Variants in TRMT1L observed in about 807,000 individuals in gnomAD.
TRMT1L encodes tRNA (guanine(27)-N(2))-dimethyltransferase.
A neutral mutation model predicts 81.6 loss-of-function variants in TRMT1L; 28 were observed. The observed-to-expected ratio is 0.34, with a 90% CI of 0.25 to 0.47. TRMT1L has a LOEUF of 0.47. Among genes scored for constraint, TRMT1L ranks in the 20% least tolerant of loss-of-function variants. The pLI is 1.00. For synonymous variants in TRMT1L, 301 were observed against 303.2 expected (o/e 0.99, Z 0.07); for missense variants, 739 against 877.1 (o/e 0.84, Z 1.99).
chr1:185,152,750 G>A (rs1216655079), intron 1 of TRMT1L, among the ~76,000 whole-genome samples: 1 of 152,210 alleles, frequency 6.6e-6, no homozygotes, highest in Non-Finnish European at 1.5e-5. Context: ...AGTTTATGTG[G>A]TTGAGAATAA....
chr1:185,145,534 A>C lies in TRMT1L; in HGVS notation c.560T>G (p.Ile187Ser). The C allele has an allele frequency of 3.7e-6, 6 of 1,612,148 alleles. No homozygotes were observed. The highest frequency in any genetic ancestry group is 5.1e-6 in the Non-Finnish European group (6 of 1,178,690). Reference sequence around the variant, plus strand: ...TCTGGTGATTGTTGCTGAACAAATGATACAATGATAATGGGCTCCCATTTT... The same window carrying C: ...TCTGGTGATTGTTGCTGAACAAATGCTACAATGATAATGGGCTCCCATTTT... ...TSKMGAHYHC[I>S]ICSATITRRT... Residue 187 changes from isoleucine to serine, a missense_variant, in exon 5 of 15, where the codon ATC (isoleucine) becomes AGC (serine). This residue lies in a region of TRMT1L where 331 missense variants were observed against 462.2 expected (regional missense o/e 0.72). Transcript: ENST00000367506.
rs180801226 is a variant in TRMT1L, at chr1:185,144,222, A to T, written c.656-193T>A. Among the ~76,000 whole-genome samples, 4 of 152,150 alleles carry T rather than the reference A, an allele frequency of 2.6e-5. No individual in the cohort carries two copies. The East Asian group carries it at 7.7e-4, about 29-fold the overall frequency. On this transcript the variant is annotated intron_variant, in intron 5 of 14. Transcript: ENST00000367506. ...CAAACCAAAACCAAAGAACTGATTTATTCAGCACTCTCTACAAAAGAGTAA... is the reference window on the plus strand; with the variant it reads ...CAAACCAAAACCAAAGAACTGATTTTTTCAGCACTCTCTACAAAAGAGTAA...
At chr1:185,125,799 T>C (rs1268037925) in intron 11 of TRMT1L, among the ~76,000 whole-genome samples, 5 of 152,160 alleles carry the variant, frequency 3.3e-5, no homozygotes, top group Admixed American at 6.5e-5. Context: ...GTTGACCTTA[T>C]AAAAGCCTAT....
At position 185,119,950 on chromosome 1, in the gene TRMT1L, A is replaced by C; in HGVS notation, c.*69T>G. On this transcript the variant is annotated 3_prime_UTR_variant, in exon 15 of 15. Coordinates refer to ENST00000367506, the MANE Select transcript of TRMT1L (RefSeq NM_030934.5). ...TACTGAATTGAAAGAACAGAAAAAG[A>C]ACTACAGTTGGTATAGAGAACTATT... is the stretch of plus-strand genomic sequence containing the variant. 6.9e-7 allele frequency: 1 copy of C among 1,450,772 alleles called. No homozygotes were observed. The highest frequency in any genetic ancestry group is 9.2e-7 in the Non-Finnish European group (1 of 1,082,812). 89.9% of individuals were successfully genotyped at this position (1,450,772 alleles called of 1,614,324 possible). A position where few individuals can be genotyped will look rare whatever the true frequency, so the allele number is the denominator to read the frequency against.
chr1:185,146,305 T>C (rs1199348118), intron 4 of TRMT1L, among the ~76,000 whole-genome samples: 2 of 152,052 alleles, frequency 1.3e-5, no homozygotes, highest in Non-Finnish European at 2.9e-5. Context: ...AGAAGCGTAC[T>C]TATCCGAGTA....
chr1:185,142,254 T>C (rs1408941086), intron 7 of TRMT1L, among the ~76,000 whole-genome samples: 2 of 152,222 alleles, frequency 1.3e-5, no homozygotes, highest in African/African-American at 4.8e-5. Flanking sequence ...CACAATTTCC[T>C]GTGGTCATAC....
intron 14 of TRMT1L, 33 bp from the exon 15 acceptor site, chr1:185,120,304 G>A (rs1398114439): frequency 1.3e-6 from 2 of 1,493,596 alleles, no homozygotes; most frequent in East Asian, 4.7e-5. Context: ...AAAATAATCA[G>A]GTTCTTGTAT....
At chr1:185,136,500 T>C (rs1436668506) in intron 10 of TRMT1L, among the ~76,000 whole-genome samples, 1 of 152,184 alleles carries the variant, frequency 6.6e-6, no homozygotes, top group Non-Finnish European at 1.5e-5. Flanking sequence ...CAGTTAACAT[T>C]ATACTAAAGT....
chr1:185,135,237 GA>G (rs146761849), intron 10 of TRMT1L, among the ~76,000 whole-genome samples: 15,121 of 151,968 alleles, frequency 0.1, 973 homozygotes, highest in East Asian at 0.25. Context: ...GCAACATGGT[GA>G]AACCCCGTCT....
chr1:185,133,596 CTTT>C (rs780906966), intron 10 of TRMT1L, among the ~76,000 whole-genome samples: 6 of 137,884 alleles, frequency 4.4e-5, no homozygotes, highest in Non-Finnish European at 3.2e-5. Context: ...TTCTGACTTG[CTTT>C]TTTTTTTTTT....
intron 3 of TRMT1L, among the ~76,000 whole-genome samples, chr1:185,149,086 T>C (rs1385931496): frequency 6.6e-6 from 1 of 152,188 alleles, no homozygotes; most frequent in East Asian, 1.9e-4. Context: ...TCCCTATAAA[T>C]TGCTGTTTTC....
At chr1:185,143,883 A>G (rs1206811492) in intron 6 of TRMT1L, 23 bp downstream of exon 6, 1 of 1,591,188 alleles carries the variant, frequency 6.3e-7, no homozygotes, top group East Asian at 2.3e-5. Context: ...ACATCCCATA[A>G]CCCTATTTTC....
chr1:185,127,776 A>G (rs1416173239), intron 11 of TRMT1L, among the ~76,000 whole-genome samples: 1 of 151,364 alleles, frequency 6.6e-6, no homozygotes, highest in Non-Finnish European at 1.5e-5. Flanking sequence ...AAAAAAAAAA[A>G]AAAAAAAGAA....
rs777782194 is a variant in TRMT1L at position 185,125,114 on chromosome 1, AAAAG to A, written c.1593-8_1593-5del. 4.4e-6 allele frequency: 7 copies of A among 1,600,420 alleles called. No homozygotes were observed. The highest frequency in any genetic ancestry group is 6.0e-6 in the Non-Finnish European group (7 of 1,173,728). ...AGTATTGAAAAGGGAACTTGACCTGAAAAGAAAAGAATATACAGAGAACTGGGTT... is the reference window on the plus strand; with the variant it reads ...AGTATTGAAAAGGGAACTTGACCTGAAAAAGAATATACAGAGAACTGGGTT... On this transcript the variant is annotated splice_region_variant and splice_polypyrimidine_tract_variant and intron_variant, in intron 11 of 14. Coordinates refer to ENST00000367506, the MANE Select transcript of TRMT1L (RefSeq NM_030934.5).
intron 1 of TRMT1L, among the ~76,000 whole-genome samples, chr1:185,153,013 A>G (rs533748152): frequency 2.0e-5 from 3 of 152,320 alleles, no homozygotes; most frequent in South Asian, 4.1e-4. Flanking sequence ...AGTGTGAAAA[A>G]TAAGAGAAAA....
chr1:185,152,416 T>C (rs1271388195), intron 1 of TRMT1L, among the ~76,000 whole-genome samples: 1 of 152,206 alleles, frequency 6.6e-6, no homozygotes, highest in Non-Finnish European at 1.5e-5. Flanking sequence ...TTGGCTGGAA[T>C]GTGGTATGTT....
At chr1:185,123,970 A>AGCAACAAC in intron 12 of TRMT1L, 51 bp from the exon 13 acceptor site, 1 of 1,035,830 alleles carries the variant, frequency 9.7e-7, no homozygotes, top group Non-Finnish European at 1.4e-6. Flanking sequence ...AATGACATAA[A>AGCAACAAC]GCAACAACTC....
At position 185,139,369 on chromosome 1, in the gene TRMT1L, T is replaced by C; in HGVS notation, c.1320A>G (p.Ala440=). 6.2e-7 allele frequency: 1 copy of C among 1,612,658 alleles called. No individual in the cohort carries two copies. Among genetic ancestry groups the C allele is most frequent in the Non-Finnish European group, 8.5e-7 (1 of 1,179,082 alleles). ...LAARIVVAAV[A]RAAARCNKGI... is the part of the protein sequence containing the mutation. Reference sequence around the variant, plus strand: ...GTACACTGTTGGCAATTTGGTACCTTGCCACTGCAGCTACAACAATTCTGG... The same window carrying C: ...GTACACTGTTGGCAATTTGGTACCTCGCCACTGCAGCTACAACAATTCTGG... Residue 440 remains alanine (A), a splice_region_variant and synonymous_variant, in exon 9 of 15, where the codon GCA becomes GCG. Coordinates refer to ENST00000367506, the MANE Select transcript of TRMT1L (RefSeq NM_030934.5).
In TRMT1L at chr1:185,125,068, T is replaced by C. The variant is rs35260277; in HGVS notation, c.1635A>G (p.Leu545=). The C allele has an allele frequency of 3.2e-4, 522 of 1,612,290 alleles. 2 individuals are homozygous for C. The African/African-American group carries it at 6.4e-3, about 20-fold the overall frequency. ...CCAAACCATGGTGAAGAGATTCAAA[T>C]AGCATTCTTTTGAGGAATCCAGTAT... The part of the protein sequence containing the change: ...LFNTGFLKRM[L]FESLHHGLDD... Residue 545 remains leucine (L), a synonymous_variant, in exon 12 of 15, where the codon CTA becomes CTG. Coordinates refer to ENST00000367506, the MANE Select transcript of TRMT1L (RefSeq NM_030934.5).
Sources: allele counts gnomAD v4.1 joint callset (sites outside exome capture counted in the v4.1 genomes callset), GRCh38; gene constraint gnomAD v4.1.1; regional missense constraint gnomAD v4.1.1; transcripts MANE v1.5; gene names NCBI Gene and HGNC (gene_info 2026-07-23, HGNC 2026-07-21).